The following TENM3 variants were observed in gnomAD, a reference collection of about 807,000 sequenced individuals.
TENM3 encodes teneurin transmembrane protein 3.
Under a neutral mutation model 255.1 loss-of-function variants are expected in TENM3, and 63 were observed. That is an observed-to-expected ratio of 0.25 (90% CI 0.20 to 0.30). The LOEUF is 0.30. Ranked by LOEUF, TENM3 falls within the 10% of genes least tolerant of loss-of-function variation. The probability of loss-of-function intolerance (pLI) is 1.00; values close to 1 mark genes in which losing one functional copy is unlikely to be tolerated. For missense variants in TENM3, 2,929 were observed against 3,461.1 expected, an observed-to-expected ratio of 0.85 and a Z score of 3.86; for synonymous variants, 1,306 against 1,322.3, an observed-to-expected ratio of 0.99 and a Z score of 0.27.
the TENM3 span, among the ~76,000 whole-genome samples, chr4:181,949,413 C>T: frequency 9.2e-5 from 14 of 152,134 alleles, no homozygotes; most frequent in Non-Finnish European, 1.9e-4. Flanking sequence ...ATGAATGAAA[C>T]CAAAAACCTA....
In TENM3 at chr4:182,799,377, G is replaced by A. The variant is rs1375008116; in HGVS notation, c.7345-219G>A. 1.3e-5 allele frequency among the ~76,000 whole-genome samples: 2 copies of A among 152,224 alleles called. No individual in the cohort carries two copies. Among genetic ancestry groups the A allele is most frequent in the Non-Finnish European group, 2.9e-5 (2 of 68,038 alleles). ...CGAAGAAAGCTTTAAAGTGATCCAC[G>A]ATGAGTGAGCCATTTGGGGGTTCCA... is the stretch of plus-strand genomic sequence containing the variant. On this transcript the variant is annotated intron_variant, in intron 27 of 27. Coordinates refer to ENST00000511685, the MANE Select transcript of TENM3 (RefSeq NM_001080477.4). This position sits in a 1 kb window ranked among gnomAD's most constrained non-coding sequence, Gnocchi z 4.2.
At chr4:182,413,303 C>T (rs961893655) in intron 3 of TENM3, among the ~76,000 whole-genome samples, 2 of 151,912 alleles carry the variant, frequency 1.3e-5, no homozygotes, top group Admixed American at 6.6e-5. Flanking sequence ...ATTACAGTAA[C>T]CTGAGAGAAA....
intron 10 of TENM3, 54 bp from the exon 11 acceptor site, chr4:182,681,760 C>A: frequency 1.6e-6 from 2 of 1,257,668 alleles, no homozygotes; most frequent in South Asian, 2.9e-5. Context: ...CTTTTTTCTG[C>A]ATGCACTATG....
chr4:182,471,166 A>G (rs955708725), intron 3 of TENM3, among the ~76,000 whole-genome samples: 8 of 152,242 alleles, frequency 5.3e-5, no homozygotes, highest in African/African-American at 1.9e-4. Context: ...AGCATAATAC[A>G]CACTTCACTG....
chr4:181,462,400 G>A, the TENM3 span, among the ~76,000 whole-genome samples: 1 of 152,164 alleles, frequency 6.6e-6, no homozygotes, highest in Non-Finnish European at 1.5e-5. Flanking sequence ...CCAGTAAGGT[G>A]GTTTGGCTCT....
At chr4:181,643,576 T>A in the TENM3 span, among the ~76,000 whole-genome samples, 1 of 152,008 alleles carries the variant, frequency 6.6e-6, no homozygotes, top group African/African-American at 2.4e-5. Flanking sequence ...CAATTCTAAT[T>A]GGACTAAGGA....
the TENM3 span, among the ~76,000 whole-genome samples, chr4:181,889,622 A>G: frequency 6.6e-6 from 1 of 152,126 alleles, no homozygotes; most frequent in Non-Finnish European, 1.5e-5. Context: ...GGCAATAATT[A>G]TAAAATAATC....
chr4:182,524,322 G>A (rs903075879), intron 3 of TENM3, among the ~76,000 whole-genome samples: 3 of 147,556 alleles, frequency 2.0e-5, no homozygotes, highest in Non-Finnish European at 4.5e-5. Context: ...CATTCAGAAT[G>A]GTGGGTTAAT....
intron 3 of TENM3, among the ~76,000 whole-genome samples, chr4:182,566,909 A>G (rs1344008139): frequency 1.3e-5 from 2 of 152,186 alleles, no homozygotes; most frequent in Non-Finnish European, 2.9e-5. Context: ...ATTGGTATGT[A>G]TAGTGACATA....
At chr4:182,557,976 G>A (rs1420936814) in intron 3 of TENM3, among the ~76,000 whole-genome samples, 6 of 152,228 alleles carry the variant, frequency 3.9e-5, no homozygotes, top group South Asian at 2.1e-4. Flanking sequence ...GATTGATTCC[G>A]TTTCTTTGGA....
the TENM3 span, among the ~76,000 whole-genome samples, chr4:181,964,519 C>T: frequency 6.6e-6 from 1 of 151,926 alleles, no homozygotes; most frequent in Non-Finnish European, 1.5e-5. Context: ...TTCTCCCAAC[C>T]CTGCCATCCC....
At chr4:181,638,907 C>G in the TENM3 span, among the ~76,000 whole-genome samples, 2 of 152,194 alleles carry the variant, frequency 1.3e-5, no homozygotes, top group East Asian at 3.9e-4. Flanking sequence ...TTAGTAGTAG[C>G]CCAAAGGTCA....
chr4:181,513,216 T>C, the TENM3 span, among the ~76,000 whole-genome samples: 3 of 152,126 alleles, frequency 2.0e-5, no homozygotes, highest in East Asian at 3.9e-4. Flanking sequence ...TGTGCTCTGT[T>C]TGGAGGGCTC....
chr4:182,453,149 T>A (rs1773605543), intron 3 of TENM3, among the ~76,000 whole-genome samples: 1 of 152,164 alleles, frequency 6.6e-6, no homozygotes. Flanking sequence ...ACCCAGCTCT[T>A]CAGTTGAAAT....
At chr4:181,808,479 A>G in the TENM3 span, among the ~76,000 whole-genome samples, 1 of 152,194 alleles carries the variant, frequency 6.6e-6, no homozygotes. Context: ...GGCAGCCTGG[A>G]GAAGGATACT....
At chr4:182,601,227 T>G in intron 4 of TENM3, 66 bp downstream of exon 4, 6 of 1,260,962 alleles carry the variant, frequency 4.8e-6, no homozygotes, top group Non-Finnish European at 6.9e-6. Context: ...TTTACTATAC[T>G]TACATATTCT....
At chr4:182,425,872 G>A (rs1278772865) in intron 3 of TENM3, among the ~76,000 whole-genome samples, 3 of 152,004 alleles carry the variant, frequency 2.0e-5, no homozygotes, top group Admixed American at 6.5e-5. Flanking sequence ...GCCAGACGTC[G>A]TGGCACACAC....
the TENM3 span, among the ~76,000 whole-genome samples, chr4:181,842,546 G>A: frequency 3.3e-5 from 5 of 151,914 alleles, no homozygotes; most frequent in African/African-American, 7.3e-5. Context: ...CTCCCTTTTC[G>A]CTGTTGCTTT....
chr4:182,118,830 T>G, the TENM3 span, among the ~76,000 whole-genome samples: 1 of 152,208 alleles, frequency 6.6e-6, no homozygotes, highest in African/African-American at 2.4e-5. Context: ...ATAATACTTT[T>G]TATACATTGT....
Sources: gnomAD v4.1 joint callset for allele counts (sites outside exome capture counted in the v4.1 genomes callset) on GRCh38, gnomAD v4.1.1 for gene constraint, Gnocchi (gnomAD v3.1) non-coding constraint, MANE v1.5 for transcripts, NCBI Gene and HGNC (gene_info 2026-07-23, HGNC 2026-07-21) for gene names.